Variants in PIAS1 observed in about 807,000 individuals in gnomAD.
The protein encoded by PIAS1 is E3 SUMO-protein ligase PIAS1.
PIAS1 carries 6 observed loss-of-function variants against 71.3 expected under a neutral mutation model. That is an observed-to-expected ratio of 0.08 (90% CI 0.05 to 0.17). The LOEUF (loss-of-function observed/expected upper bound fraction) is 0.17. PIAS1 is among the 10% of genes least tolerant of loss of function. The pLI, the probability that PIAS1 is intolerant of heterozygous loss-of-function variation, is 1.00. For missense variants in PIAS1, 555 were observed against 793.6 expected (o/e 0.70, Z 3.61); for synonymous variants, 303 against 292.9 (o/e 1.03, Z -0.35).
Position 68,086,216 on chromosome 15 carries a change from C to A in PIAS1, c.25-90C>A. On this transcript the variant is annotated intron_variant, in intron 1 of 13. Coordinates refer to ENST00000249636, the MANE Select transcript of PIAS1 (RefSeq NM_016166.3). This position sits in a 1 kb window ranked among gnomAD's most constrained non-coding sequence, Gnocchi z 7.2. ...CTGGCCTTTATTTGCTTAAGTAAAC[C>A]ATAAGAAGGGGGTTATAATAAAGTG... is the stretch of plus-strand genomic sequence containing the variant. 1.1e-6 allele frequency: 1 copy of A among 870,406 alleles called. No individual in the cohort carries two copies. The highest frequency in any genetic ancestry group is 1.7e-6 in the Non-Finnish European group (1 of 580,450). 53.9% of individuals were successfully genotyped at this position (870,406 alleles called of 1,614,324 possible). A position where few individuals can be genotyped will look rare whatever the true frequency, so the allele number is the denominator to read the frequency against.
In PIAS1 at chr15:68,069,777, C is replaced by G. The variant is rs1279289582; in HGVS notation, c.24+15427C>G. On this transcript the variant is annotated intron_variant, in intron 1 of 13. Coordinates refer to ENST00000249636, the MANE Select transcript of PIAS1 (RefSeq NM_016166.3). ...CGACATTGTGCCACTGCACTCCAGC[C>G]TGGGTGACAGAGCAAGACTCCGTCT... Among the ~76,000 whole-genome samples, 14 of 143,570 alleles carry G rather than the reference C, an allele frequency of 9.8e-5. No individual in the cohort carries two copies. In the Admixed American group the frequency reaches 1.0e-3, roughly 10 times the overall value. The allele number at this position is 143,570 out of a possible 152,430, so 94.2% of individuals were successfully genotyped here.
chr15:68,128,413 G>T (rs1409787671), intron 2 of PIAS1, among the ~76,000 whole-genome samples: 1 of 152,164 alleles, frequency 6.6e-6, no homozygotes, highest in Non-Finnish European at 1.5e-5. Flanking sequence ...CTCCCAAAGT[G>T]CTGGGATTAC....
intron 1 of PIAS1, among the ~76,000 whole-genome samples, chr15:68,080,090 C>T (rs541123706): frequency 1.3e-5 from 2 of 152,278 alleles, no homozygotes; most frequent in South Asian, 4.1e-4. Context: ...TCTCAGCCTC[C>T]TAAAGTGCTG....
intron 1 of PIAS1, among the ~76,000 whole-genome samples, chr15:68,063,734 G>A (rs1419495787): frequency 6.6e-6 from 1 of 152,006 alleles, no homozygotes; most frequent in Non-Finnish European, 1.5e-5. Context: ...GTGGTTCCCC[G>A]AAGTTTTTCT....
chr15:68,117,664 C>T (rs995499157), intron 2 of PIAS1, among the ~76,000 whole-genome samples: 7 of 152,116 alleles, frequency 4.6e-5, no homozygotes, highest in Admixed American at 6.5e-5. Flanking sequence ...CAGGTTTATC[C>T]GTGTTGCCAC....
At chr15:68,144,052 A>G (rs1276779190) in intron 4 of PIAS1, among the ~76,000 whole-genome samples, 2 of 151,846 alleles carry the variant, frequency 1.3e-5, no homozygotes, top group South Asian at 2.1e-4. Context: ...TAGATGAGCT[A>G]TAATTCAGAG....
intron 2 of PIAS1, among the ~76,000 whole-genome samples, chr15:68,105,938 G>A (rs1419406003): frequency 6.6e-6 from 1 of 152,002 alleles, no homozygotes; most frequent in African/African-American, 2.4e-5. Context: ...TAGAGGATAG[G>A]CACATTCTTT....
intron 1 of PIAS1, among the ~76,000 whole-genome samples, chr15:68,063,018 C>T (rs932524006): frequency 7.5e-6 from 1 of 134,208 alleles, no homozygotes; most frequent in African/African-American, 2.7e-5. Flanking sequence ...TTTTGCTATA[C>T]ACTACTGGTT....
intron 1 of PIAS1, chr15:68,056,055 A>C (rs2091892674): frequency 1.8e-6 from 1 of 555,506 alleles, no homozygotes; most frequent in Non-Finnish European, 3.2e-6. Context: ...AGGAATTTGA[A>C]TATTTGGAGA....
chr15:68,088,196 A>ATATATATATATATC (rs1265494582), intron 2 of PIAS1, among the ~76,000 whole-genome samples: 2 of 142,962 alleles, frequency 1.4e-5, no homozygotes, highest in East Asian at 4.1e-4. Context: ...ATATATATAT[A>ATATATATATATATC]TATATCCCAT....
At chr15:68,129,835 ACT>A (rs899539543) in intron 2 of PIAS1, among the ~76,000 whole-genome samples, 1 of 141,894 alleles carries the variant, frequency 7.0e-6, no homozygotes, top group Non-Finnish European at 1.5e-5. Flanking sequence ...ACACACACAC[ACT>A]CTTACATAGA....
At chr15:68,111,327 A>C (rs1173043219) in intron 2 of PIAS1, among the ~76,000 whole-genome samples, 1 of 152,176 alleles carries the variant, frequency 6.6e-6, no homozygotes, top group East Asian at 1.9e-4. Flanking sequence ...ATCATGACTA[A>C]AATAATCTAG....
At chr15:68,164,096 C>G (rs952069146) in intron 7 of PIAS1, among the ~76,000 whole-genome samples, 3 of 151,778 alleles carry the variant, frequency 2.0e-5, no homozygotes, top group African/African-American at 7.3e-5. Context: ...TAAAGATTAT[C>G]TAGTGTGGGT....
rs2092991208 is a variant in PIAS1, at chr15:68,171,480, T to C, written c.1009-2252T>C. 6.6e-6 allele frequency among the ~76,000 whole-genome samples: 1 copy of C among 152,210 alleles called. No homozygotes were observed. Among genetic ancestry groups the C allele is most frequent in the Non-Finnish European group, 1.5e-5 (1 of 68,040 alleles). On this transcript the variant is annotated intron_variant, in intron 8 of 13. Transcript: ENST00000249636. The surrounding 1 kb of genome is among the most constrained non-coding windows in gnomAD (Gnocchi z 4.4). ...GTTCAGTGTTGACCAAAATGTTATG[T>C]GGTGCTTGATTGTAATCATATGCAG...
chr15:68,175,782 A>G lies in PIAS1; in HGVS notation c.1300+15A>G. 1 of 1,588,764 alleles carries G rather than the reference A, an allele frequency of 6.3e-7. No individual in the cohort carries two copies. Among genetic ancestry groups the G allele is most frequent in the East Asian group, 2.3e-5 (1 of 44,172 alleles). On this transcript the variant is annotated intron_variant, in intron 10 of 13. Transcript: ENST00000249636. ...TGGAGTCGATGGTGAGTAGTTCTTC[A>G]CAAGGAAGAGGCAGTCTCCCTACTG...
At chr15:68,109,389 C>CA (rs1255088062) in intron 2 of PIAS1, among the ~76,000 whole-genome samples, 1 of 152,094 alleles carries the variant, frequency 6.6e-6, no homozygotes, top group Non-Finnish European at 1.5e-5. Context: ...GTGTAAATGC[C>CA]ATAAGGGCAG....
At chr15:68,074,038 G>A (rs931706764) in intron 1 of PIAS1, among the ~76,000 whole-genome samples, 1 of 152,300 alleles carries the variant, frequency 6.6e-6, no homozygotes. Context: ...TGGATGGAAG[G>A]TTTGGAGAGA....
intron 1 of PIAS1, among the ~76,000 whole-genome samples, chr15:68,061,014 A>G (rs1055446749): frequency 1.3e-5 from 2 of 152,270 alleles, no homozygotes; most frequent in Non-Finnish European, 2.9e-5. Context: ...AACATAGGCA[A>G]TGAAAGCATT....
At chr15:68,148,383 C>A (rs1361701412) in intron 6 of PIAS1, among the ~76,000 whole-genome samples, 1 of 152,086 alleles carries the variant, frequency 6.6e-6, no homozygotes, top group East Asian at 1.9e-4. Context: ...TAAGATAGGA[C>A]TAAACCATTC....
Sources: gnomAD v4.1 joint callset for allele counts (sites outside exome capture counted in the v4.1 genomes callset) on GRCh38, gnomAD v4.1.1 for gene constraint, Gnocchi (gnomAD v3.1) non-coding constraint, MANE v1.5 for transcripts, NCBI Gene and HGNC (gene_info 2026-07-23, HGNC 2026-07-21) for gene names.